Variants in DSCAM observed in about 807,000 individuals in gnomAD.
The protein encoded by DSCAM is cell adhesion molecule DSCAM.
In DSCAM, 47 loss-of-function variants were observed where a neutral mutation model predicts 217.7. That is an observed-to-expected ratio of 0.22 (90% CI 0.17 to 0.28). The LOEUF (loss-of-function observed/expected upper bound fraction) is 0.28, where lower values mean the gene tolerates loss of function less well. Ranked by LOEUF, DSCAM falls within the 10% of genes least tolerant of loss-of-function variation. The probability of loss-of-function intolerance (pLI) is 1.00; values close to 1 mark genes in which losing one functional copy is unlikely to be tolerated. For missense variants in DSCAM, 2,080 were observed against 2,618.3 expected (o/e 0.79, Z 4.49); for synonymous variants, 1,056 against 1,015.3 (o/e 1.04, Z -0.76).
chr21:40,305,171 C>T (rs2074058741), intron 9 of DSCAM, among the ~76,000 whole-genome samples: 1 of 152,062 alleles, frequency 6.6e-6, no homozygotes, highest in African/African-American at 2.4e-5. Context: ...GGGTGCATCA[C>T]CTGAGGCCAG....
At chr21:40,403,520 G>A (rs536206336) in intron 3 of DSCAM, among the ~76,000 whole-genome samples, 1 of 152,044 alleles carries the variant, frequency 6.6e-6, no homozygotes, top group Admixed American at 6.6e-5. Context: ...TCAGACTTGT[G>A]GTTTAACAAA....
At chr21:40,314,359 T>C (rs561409388) in intron 8 of DSCAM, among the ~76,000 whole-genome samples, 1 of 152,276 alleles carries the variant, frequency 6.6e-6, no homozygotes, top group East Asian at 1.9e-4. Flanking sequence ...ATACTCAATG[T>C]CAATCCTCCT....
intron 11 of DSCAM, among the ~76,000 whole-genome samples, chr21:40,259,918 G>A (rs150085578): frequency 0.011 from 1,740 of 151,842 alleles, 31 homozygotes; most frequent in African/African-American, 0.034. Context: ...TAGTAGAGAC[G>A]GGATTTCACT....
At chr21:40,093,956 T>C in intron 20 of DSCAM, 82 bp from the exon 21 acceptor site, 5 of 1,421,330 alleles carry the variant, frequency 3.5e-6, no homozygotes, top group Non-Finnish European at 4.8e-6. Context: ...GTCATGAACA[T>C]ATTAAATATC....
intron 3 of DSCAM, among the ~76,000 whole-genome samples, chr21:40,651,668 C>T (rs1047202225): frequency 6.6e-6 from 1 of 152,182 alleles, no homozygotes; most frequent in African/African-American, 2.4e-5. Flanking sequence ...TTCACCGCAG[C>T]TTTACAAGGC....
chr21:40,600,245 A>G (rs999020639), intron 3 of DSCAM, among the ~76,000 whole-genome samples: 1 of 152,218 alleles, frequency 6.6e-6, no homozygotes, highest in Non-Finnish European at 1.5e-5. Context: ...TAATTTATGA[A>G]CAACTGACAT....
At chr21:40,347,621 C>A in intron 6 of DSCAM, 49 bp downstream of exon 6, 1 of 1,608,244 alleles carries the variant, frequency 6.2e-7, no homozygotes, top group Non-Finnish European at 8.5e-7. Flanking sequence ...TCTGAGTGCT[C>A]TGGGTTTGGG....
At chr21:40,614,138 C>T (rs781191821) in intron 3 of DSCAM, among the ~76,000 whole-genome samples, 1 of 152,226 alleles carries the variant, frequency 6.6e-6, no homozygotes, top group Non-Finnish European at 1.5e-5. Flanking sequence ...GTGGCCTGTC[C>T]TGCTGAGTGC....
intron 1 of DSCAM, among the ~76,000 whole-genome samples, chr21:40,782,409 A>T (rs2091555024): frequency 6.6e-6 from 1 of 152,120 alleles, no homozygotes; most frequent in African/African-American, 2.4e-5. Context: ...TTCTCACAGA[A>T]AGGAAGTGTG....
chr21:40,748,352 A>AT lies in DSCAM; in HGVS notation c.44-39582_44-39581insA, dbSNP rs201720990. Among the ~76,000 whole-genome samples the AT allele has an allele frequency of 3.8e-4, 58 of 152,056 alleles. 1 individual carries two copies. In the East Asian group the frequency reaches 0.011, roughly 29 times the overall value. On this transcript the variant is annotated intron_variant, in intron 1 of 32. Coordinates refer to ENST00000400454, the MANE Select transcript of DSCAM (RefSeq NM_001389.5). ...AGCCTAAAGACTCCATCAAAAAAAA[A>AT]ATATTAGAACTAATAAATGAATTTG... is the stretch of plus-strand genomic sequence containing the variant.
intron 3 of DSCAM, among the ~76,000 whole-genome samples, chr21:40,418,248 G>T (rs535225517): frequency 1.2e-4 from 19 of 152,222 alleles, no homozygotes; most frequent in African/African-American, 4.3e-4. Flanking sequence ...TGTCTGGGTG[G>T]GAAGACAGGA....
chr21:40,804,223 T>G (rs913414825), intron 1 of DSCAM, among the ~76,000 whole-genome samples: 1 of 152,020 alleles, frequency 6.6e-6, no homozygotes, highest in Admixed American at 6.5e-5. Context: ...GCTGATGGAG[T>G]GTGGTTCAGA....
intron 3 of DSCAM, among the ~76,000 whole-genome samples, chr21:40,659,499 TTATC>T (rs573118061): frequency 1.0e-3 from 158 of 152,300 alleles, no homozygotes; most frequent in African/African-American, 2.1e-3. Context: ...TATTTATCTA[TTATC>T]TATCTATCTA....
chr21:40,655,365 T>G (rs938494310), intron 3 of DSCAM, among the ~76,000 whole-genome samples: 2 of 152,042 alleles, frequency 1.3e-5, no homozygotes, highest in South Asian at 4.1e-4. Flanking sequence ...TCCTCTCTGC[T>G]TCTAAAATGT....
intron 9 of DSCAM, among the ~76,000 whole-genome samples, chr21:40,302,361 G>C (rs998175154): frequency 6.6e-6 from 1 of 152,080 alleles, no homozygotes; most frequent in South Asian, 2.1e-4. Context: ...TTATAAAGGG[G>C]ATTTCCCCTG....
At chr21:40,834,232 C>T (rs1039961031) in intron 1 of DSCAM, among the ~76,000 whole-genome samples, 3 of 151,558 alleles carry the variant, frequency 2.0e-5, no homozygotes, top group African/African-American at 4.8e-5. Flanking sequence ...CATGGTGAAA[C>T]CCCGTCTCTA....
intron 1 of DSCAM, among the ~76,000 whole-genome samples, chr21:40,774,109 A>C (rs1159587702): frequency 6.6e-6 from 1 of 152,226 alleles, no homozygotes; most frequent in Non-Finnish European, 1.5e-5. Flanking sequence ...TTAAGACAAC[A>C]GTGCTTTGCA....
Position 40,233,772 on chromosome 21 carries a change from C to T in DSCAM, c.2356+42325G>A, listed in dbSNP as rs539902259. On this transcript the variant is annotated intron_variant, in intron 11 of 32. Transcript: ENST00000400454. Reference sequence around the variant, plus strand: ...AGAACGGTATCTACTACACACAACTCGGCATTTACTTTCCCAAGCAGCAAT... The same window carrying T: ...AGAACGGTATCTACTACACACAACTTGGCATTTACTTTCCCAAGCAGCAAT... Among the ~76,000 whole-genome samples the T allele has an allele frequency of 1.8e-4, 28 of 152,288 alleles. No individual in the cohort carries two copies. In the East Asian group the frequency reaches 4.4e-3, roughly 24 times the overall value.
chr21:40,065,337 G>A (rs140337909), intron 27 of DSCAM, among the ~76,000 whole-genome samples: 44 of 152,086 alleles, frequency 2.9e-4, no homozygotes, highest in African/African-American at 1.1e-3. Context: ...TGAGGGTCTG[G>A]GTGTTTTTCA....
Sources: allele counts gnomAD v4.1 joint callset (sites outside exome capture counted in the v4.1 genomes callset), GRCh38; gene constraint gnomAD v4.1.1; transcripts MANE v1.5; gene names NCBI Gene and HGNC (gene_info 2026-07-23, HGNC 2026-07-21).